SMURF1: variants seen among roughly 807,000 people sequenced by gnomAD.
The protein encoded by SMURF1 is SMAD specific E3 ubiquitin protein ligase 1.
In SMURF1, 44 loss-of-function variants were observed where a neutral mutation model predicts 98.0. The observed-to-expected ratio is 0.45, with a 90% confidence interval of 0.35 to 0.58. SMURF1 has a LOEUF of 0.58. SMURF1 is among the 20% of genes least tolerant of loss of function. The probability of loss-of-function intolerance (pLI) is 0.00; values close to 1 mark genes in which losing one functional copy is unlikely to be tolerated. For missense variants in SMURF1, 687 were observed against 938.4 expected (o/e 0.73, Z 3.50); for synonymous variants, 396 against 374.9 (o/e 1.06, Z -0.65).
At chr7:99,065,096 GT>G (rs796330639) in intron 1 of SMURF1, among the ~76,000 whole-genome samples, 193 of 145,752 alleles carry the variant, frequency 1.3e-3, no homozygotes, top group East Asian at 4.7e-3. Flanking sequence ...AGTGAGTTGG[GT>G]TTTTTTTTTT....
chr7:99,034,350 C>T (rs1404884682), intron 16 of SMURF1, among the ~76,000 whole-genome samples: 2 of 152,208 alleles, frequency 1.3e-5, no homozygotes, highest in Admixed American at 6.5e-5. Flanking sequence ...TATTGGAGGA[C>T]TAATGAGACC....
At chr7:99,141,875 A>G (rs1003738544) in intron 1 of SMURF1, among the ~76,000 whole-genome samples, 1 of 152,198 alleles carries the variant, frequency 6.6e-6, no homozygotes, top group Non-Finnish European at 1.5e-5. Context: ...TTCTCACCCG[A>G]CTGAGCCACT....
At chr7:99,038,809 T>C (rs1236458604) in intron 13 of SMURF1, among the ~76,000 whole-genome samples, 1 of 152,120 alleles carries the variant, frequency 6.6e-6, no homozygotes, top group Non-Finnish European at 1.5e-5. Flanking sequence ...ACCCAGCTGC[T>C]TTGTAAGCAG....
At chr7:99,105,416 AAAC>A (rs1248710210) in intron 1 of SMURF1, among the ~76,000 whole-genome samples, 1 of 152,194 alleles carries the variant, frequency 6.6e-6, no homozygotes, top group Non-Finnish European at 1.5e-5. Flanking sequence ...ACAAACACTA[AAAC>A]AACAACCACT....
intron 9 of SMURF1, chr7:99,049,090 C>CA (rs548044588): frequency 0.043 from 2,982 of 69,366 alleles, 41 homozygotes; most frequent in African/African-American, 0.076. Flanking sequence ...GACTCTGTCT[C>CA]AAAAAAAAAA....
intron 1 of SMURF1, among the ~76,000 whole-genome samples, chr7:99,113,653 A>C (rs1797372546): frequency 6.6e-6 from 1 of 151,938 alleles, no homozygotes; most frequent in African/African-American, 2.4e-5. Context: ...ATCCTGGCTA[A>C]CACGGTGAAA....
chr7:99,075,434 A>C (rs572342038), intron 1 of SMURF1, among the ~76,000 whole-genome samples: 1 of 152,306 alleles, frequency 6.6e-6, no homozygotes, highest in Admixed American at 6.5e-5. Flanking sequence ...TGAACCTGCA[A>C]AGGGAACCCC....
intron 6 of SMURF1, 110 bp from the exon 7 acceptor site, chr7:99,052,556 C>G: frequency 8.3e-7 from 1 of 1,203,512 alleles, no homozygotes; most frequent in Non-Finnish European, 1.1e-6. Flanking sequence ...GATTTGCTTT[C>G]CTTTAACAAC....
At chr7:99,100,315 G>A (rs917384781) in intron 1 of SMURF1, among the ~76,000 whole-genome samples, 1 of 152,246 alleles carries the variant, frequency 6.6e-6, no homozygotes, top group Non-Finnish European at 1.5e-5. Flanking sequence ...AGTACTTCGG[G>A]AGGCCGAGGA....
chr7:99,046,127 C>T (rs975819150), intron 10 of SMURF1, among the ~76,000 whole-genome samples: 1 of 152,098 alleles, frequency 6.6e-6, no homozygotes, highest in Admixed American at 6.5e-5. Context: ...AATTTCAATG[C>T]ACACTATAAA....
intron 15 of SMURF1, 158 bp from the exon 16 acceptor site, chr7:99,035,874 C>G (rs1245000896): frequency 1.4e-6 from 1 of 718,912 alleles, no homozygotes; most frequent in Non-Finnish European, 2.3e-6. Context: ...AAGCTACAAA[C>G]AGGAGGCCTG....
At chr7:99,045,671 G>C in intron 11 of SMURF1, 27 bp downstream of exon 11, 1 of 1,567,486 alleles carries the variant, frequency 6.4e-7, no homozygotes, top group Non-Finnish European at 8.8e-7. Flanking sequence ...CCACACAGCA[G>C]AGAAGGTGAA....
intron 10 of SMURF1, among the ~76,000 whole-genome samples, 194 bp downstream of exon 10, chr7:99,047,488 ACT>A (rs764172204): frequency 6.6e-6 from 1 of 152,196 alleles, no homozygotes; most frequent in Admixed American, 6.5e-5. Flanking sequence ...GTCCTGACAA[ACT>A]CTGCACTTCC....
intron 1 of SMURF1, among the ~76,000 whole-genome samples, chr7:99,080,354 C>A (rs1796553648): frequency 6.6e-6 from 1 of 152,212 alleles, no homozygotes; most frequent in African/African-American, 2.4e-5. Flanking sequence ...GGCTGGAGTG[C>A]AGCGGCGCGA....
intron 5 of SMURF1, 72 bp downstream of exon 5, chr7:99,057,133 A>G: frequency 6.5e-7 from 1 of 1,540,846 alleles, no homozygotes; most frequent in Non-Finnish European, 9.0e-7. Context: ...CCTGTATGTG[A>G]GTTCTCGGCG....
In SMURF1 at chr7:99,060,659, C is replaced by T; in HGVS notation, c.143G>A (p.Cys48Tyr). ...AKIVVDGSGQ[C>Y]HSTDTVKNTL... ...GTTTTTCACAGTGTCGGTTGAGTGG[C>T]ACTGCCCAGACCCATCCACGACAAT... The change falls in exon 3 of 18, where the codon TGC becomes TAC. Residue 48 changes from cysteine to tyrosine, a missense_variant. Physicochemically the swap from Cys to Tyr is radical, Grantham distance 194. This residue lies in a region of SMURF1 where 415 missense variants were observed against 508.4 expected (regional missense o/e 0.82). Transcript: ENST00000361368. The T allele has an allele frequency of 6.2e-7, 1 of 1,614,036 alleles. No individual in the cohort carries two copies. The highest frequency in any genetic ancestry group is 2.2e-5 in the East Asian group (1 of 44,882).
At chr7:99,030,983 C>CA (rs1794855815) in intron 17 of SMURF1, 2 of 281,980 alleles carry the variant, frequency 7.1e-6, no homozygotes, top group Non-Finnish European at 1.4e-5. Context: ...CCACTGTGCC[C>CA]AATCAACACA....
intron 1 of SMURF1, among the ~76,000 whole-genome samples, chr7:99,107,468 CA>C (rs918454718): frequency 6.6e-6 from 1 of 151,990 alleles, no homozygotes; most frequent in African/African-American, 2.4e-5. Context: ...AACAAACGAA[CA>C]AAAAAGACAC....
rs537216257 is a variant in SMURF1 at position 99,092,471 on chromosome 7, C to T, written c.56-30634G>A. ...GATGTTTGCAGAGCAACAACGACAACAAAAAAATTGAGTCATCGAACGTGC... is the reference window on the plus strand; with the variant it reads ...GATGTTTGCAGAGCAACAACGACAATAAAAAAATTGAGTCATCGAACGTGC... On this transcript the variant is annotated intron_variant, in intron 1 of 17. Transcript: ENST00000361368. Among the ~76,000 whole-genome samples the T allele has an allele frequency of 9.9e-5, 15 of 152,266 alleles. 1 individual carries two copies. In the South Asian group the frequency reaches 2.9e-3, roughly 29 times the overall value.
Sources: gnomAD v4.1 joint callset for allele counts (sites outside exome capture counted in the v4.1 genomes callset) on GRCh38, gnomAD v4.1.1 for gene constraint, gnomAD v4.1.1 regional missense constraint, MANE v1.5 for transcripts, NCBI Gene and HGNC (gene_info 2026-07-23, HGNC 2026-07-21) for gene names.